Variants in UGT1A8 observed in about 807,000 individuals in gnomAD.
The protein encoded by UGT1A8 is UDP-glucuronosyltransferase 1A8.
A neutral mutation model predicts 45.3 loss-of-function variants in UGT1A8; 39 were observed. The observed-to-expected ratio is 0.86, with a 90% CI of 0.67 to 1.12. The LOEUF (loss-of-function observed/expected upper bound fraction) is 1.12, where lower values mean the gene tolerates loss of function less well. Among genes scored for constraint, UGT1A8 ranks in the 50% most tolerant of loss-of-function variants. The pLI, the probability that UGT1A8 is intolerant of heterozygous loss-of-function variation, is 0.00. For missense variants in UGT1A8, 719 were observed against 664.9 expected, an observed-to-expected ratio of 1.08 and a Z score of -0.90; for synonymous variants, 275 against 249.2, an observed-to-expected ratio of 1.10 and a Z score of -0.97.
intron 1 of UGT1A8, among the ~76,000 whole-genome samples, chr2:233,750,965 G>A (rs1482754384): frequency 1.3e-5 from 2 of 151,940 alleles, no homozygotes; most frequent in Admixed American, 6.5e-5. Context: ...CTGGGGCACT[G>A]CCTAGTGGAG....
In UGT1A8 at chr2:233,743,890, G is replaced by A. The variant is rs376911193; in HGVS notation, c.856-23144G>A. On this transcript the variant is annotated intron_variant, in intron 1 of 4. Transcript: ENST00000373450. ...CCTCGGATGAGGCCTGCCGGGGCAC[G>A]TCCAGCACCTCGTAGTAGTCCACCA... 9.6e-5 allele frequency: 131 copies of A among 1,366,674 alleles called. 1 individual carries two copies. The highest frequency in any genetic ancestry group is 6.3e-4 in the Middle Eastern group (3 of 4,786). The allele number at this position is 1,366,674 out of a possible 1,614,324, so 84.7% of individuals were successfully genotyped here. A position where few individuals can be genotyped will look rare whatever the true frequency, so the allele number is the denominator to read the frequency against.
At chr2:233,623,141 G>T (rs1364156072) in intron 1 of UGT1A8, among the ~76,000 whole-genome samples, 1 of 152,142 alleles carries the variant, frequency 6.6e-6, no homozygotes, top group South Asian at 2.1e-4. Flanking sequence ...TTGTGATTTA[G>T]TTTGAAGTCA....
chr2:233,638,386 C>T (rs561166431), intron 1 of UGT1A8, among the ~76,000 whole-genome samples: 2 of 152,274 alleles, frequency 1.3e-5, no homozygotes, highest in East Asian at 1.9e-4. Flanking sequence ...CCAGCCACAT[C>T]ACTAACTTTT....
chr2:233,647,987 G>T, intron 1 of UGT1A8: 2 of 1,607,876 alleles, frequency 1.2e-6, no homozygotes, highest in Middle Eastern at 1.8e-4. Context: ...CTCATTCTCA[G>T]GGGGCATGAG....
At chr2:233,767,202 T>G in intron 2 of UGT1A8, 37 bp downstream of exon 2, 15 of 1,613,508 alleles carry the variant, frequency 9.3e-6, no homozygotes, top group Non-Finnish European at 1.3e-5. Flanking sequence ...ATATCTATTT[T>G]CACAGGAGCG....
At chr2:233,748,098 A>G (rs1489577021) in intron 1 of UGT1A8, 1 of 1,612,584 alleles carries the variant, frequency 6.2e-7, no homozygotes, top group African/African-American at 1.3e-5. Flanking sequence ...TCGTGCCTTC[A>G]TCCAATCAAT....
chr2:233,623,491 T>C (rs764434532), intron 1 of UGT1A8, among the ~76,000 whole-genome samples: 10 of 152,194 alleles, frequency 6.6e-5, no homozygotes, highest in African/African-American at 9.6e-5. Context: ...GTAGTAATTG[T>C]GAATGCCATC....
intron 1 of UGT1A8, among the ~76,000 whole-genome samples, chr2:233,725,204 A>C (rs1419475317): frequency 1.4e-4 from 12 of 85,222 alleles, no homozygotes; most frequent in African/African-American, 6.2e-4. Flanking sequence ...AGGCAGAGGC[A>C]GAGGCAGAGG....
At chr2:233,678,902 T>C (rs1422615251) in intron 1 of UGT1A8, among the ~76,000 whole-genome samples, 2 of 152,192 alleles carry the variant, frequency 1.3e-5, no homozygotes, top group African/African-American at 4.8e-5. Flanking sequence ...CTGTCATAAA[T>C]CCTGTGAAGT....
At chr2:233,672,294 T>A in intron 1 of UGT1A8, 1 of 1,613,986 alleles carries the variant, frequency 6.2e-7, no homozygotes, top group East Asian at 2.2e-5. Flanking sequence ...TTGACTTATT[T>A]TTTTCAAATT....
intron 1 of UGT1A8, among the ~76,000 whole-genome samples, chr2:233,739,630 G>A (rs535320958): frequency 6.6e-6 from 1 of 152,302 alleles, no homozygotes; most frequent in African/African-American, 2.4e-5. Context: ...CATTTGAAAT[G>A]GGAACATTTA....
At chr2:233,704,223 G>A (rs2075773565) in intron 1 of UGT1A8, among the ~76,000 whole-genome samples, 1 of 133,698 alleles carries the variant, frequency 7.5e-6, no homozygotes, top group African/African-American at 2.9e-5. Flanking sequence ...TATCTCTCAT[G>A]TATTTATTTG....
At chr2:233,618,751 GGT>G (rs1425834014) in intron 1 of UGT1A8, among the ~76,000 whole-genome samples, 189 bp downstream of exon 1, 11 of 151,854 alleles carry the variant, frequency 7.2e-5, no homozygotes, top group Admixed American at 7.2e-4. Flanking sequence ...CCTTCTTGAA[GGT>G]GTGTGTATAT....
At chr2:233,762,330 T>C (rs150255996) in intron 1 of UGT1A8, among the ~76,000 whole-genome samples, 11 of 152,350 alleles carry the variant, frequency 7.2e-5, no homozygotes, top group African/African-American at 1.9e-4. Flanking sequence ...TAATCCACAA[T>C]AGCTCTTTTT....
intron 1 of UGT1A8, among the ~76,000 whole-genome samples, chr2:233,742,120 G>T (rs910307834): frequency 7.9e-5 from 12 of 151,826 alleles, no homozygotes; most frequent in Admixed American, 6.5e-5. Flanking sequence ...CAGCTTGGTC[G>T]TGGAGACCCT....
chr2:233,752,969 A>G (rs553949581), intron 1 of UGT1A8, among the ~76,000 whole-genome samples: 2 of 152,310 alleles, frequency 1.3e-5, no homozygotes, highest in Non-Finnish European at 2.9e-5. Context: ...TATGTAACCA[A>G]TTGTGTAGAT....
chr2:233,690,784 C>T (rs902652405), intron 1 of UGT1A8: 19 of 1,087,518 alleles, frequency 1.7e-5, no homozygotes, highest in Non-Finnish European at 2.1e-5. Flanking sequence ...CATACACACA[C>T]ACACACACAC....
chr2:233,636,206 C>G (rs996086071), intron 1 of UGT1A8, among the ~76,000 whole-genome samples: 1 of 150,780 alleles, frequency 6.6e-6, no homozygotes, highest in Non-Finnish European at 1.5e-5. Flanking sequence ...TTCACTTTAT[C>G]TTTCCGAATC....
chr2:233,667,518 C>T (rs2074103133), intron 1 of UGT1A8, among the ~76,000 whole-genome samples: 1 of 152,100 alleles, frequency 6.6e-6, no homozygotes, highest in African/African-American at 2.4e-5. Context: ...CAACAAAAGC[C>T]AAAATTGACA....
Sources: allele counts gnomAD v4.1 joint callset (sites outside exome capture counted in the v4.1 genomes callset), GRCh38; gene constraint gnomAD v4.1.1; transcripts MANE v1.5; gene names NCBI Gene and HGNC (gene_info 2026-07-23, HGNC 2026-07-21).